TMC2: variants seen among roughly 807,000 people sequenced by gnomAD.
TMC2 encodes transmembrane channel-like protein 2.
In TMC2, 102 loss-of-function variants were observed where a neutral mutation model predicts 105.9. The ratio of observed to expected loss-of-function variants is 0.96; its 90% CI spans 0.82 to 1.14. The LOEUF (loss-of-function observed/expected upper bound fraction) is 1.14. Ranked by LOEUF, TMC2 falls within the 50% of genes most tolerant of loss-of-function variation. The pLI is 0.00. For missense variants in TMC2, 1,093 were observed against 1,134.3 expected (o/e 0.96, Z 0.52); for synonymous variants, 402 against 422.8 (o/e 0.95, Z 0.60).
intron 3 of TMC2, among the ~76,000 whole-genome samples, chr20:2,561,341 A>T (rs191522523): frequency 6.6e-6 from 1 of 152,312 alleles, no homozygotes; most frequent in African/African-American, 2.4e-5. Flanking sequence ...TATAAATACA[A>T]ATTAAATATA....
Position 2,592,301 on chromosome 20 carries a change from C to T in TMC2, c.835-9C>T. 2.5e-6 allele frequency: 4 copies of T among 1,594,780 alleles called. No individual in the cohort carries two copies. The highest frequency in any genetic ancestry group is 3.4e-6 in the Non-Finnish European group (4 of 1,162,806). ...CACTCATACTTGTGTCATTGTGTTTCTGCACAAGGTACTGATGGGCATGCC... is the reference window on the plus strand; with the variant it reads ...CACTCATACTTGTGTCATTGTGTTTTTGCACAAGGTACTGATGGGCATGCC... On this transcript the variant is annotated splice_polypyrimidine_tract_variant and intron_variant, in intron 7 of 19. Transcript: ENST00000358864. The surrounding 1 kb of genome is among the most constrained non-coding windows in gnomAD (Gnocchi z 4.9).
At position 2,592,384 on chromosome 20, in the gene TMC2, T is replaced by A. The variant is rs776523499; in HGVS notation, c.909T>A (p.Asp303Glu). The change falls in exon 8 of 20, where the codon GAT becomes GAA. Residue 303 changes from aspartate (D) to glutamate (E), a missense_variant. Asp to Glu is a conservative substitution (Grantham distance 45). Coordinates refer to ENST00000358864, the MANE Select transcript of TMC2 (RefSeq NM_080751.3). This position sits in a 1 kb window ranked among gnomAD's most constrained non-coding sequence, Gnocchi z 4.9. The part of the protein sequence containing the change: ...VPRAEEEKAM[D>E]FSVLWDFEGY... ...GGGCTGAGGAAGAAAAGGCCATGGA[T>A]TTTTCTGTCCTTTGGGATTTTGAGG... is the stretch of plus-strand genomic sequence containing the variant. 1 of 1,613,710 alleles carries A rather than the reference T, an allele frequency of 6.2e-7. No homozygotes were observed. Among genetic ancestry groups the A allele is most frequent in the East Asian group, 2.2e-5 (1 of 44,880 alleles).
chr20:2,606,632 G>T (rs1391021948), intron 11 of TMC2, among the ~76,000 whole-genome samples: 1 of 152,006 alleles, frequency 6.6e-6, no homozygotes, highest in South Asian at 2.1e-4. Context: ...TGAATTATAG[G>T]TTTTTTTAAT....
In TMC2 at chr20:2,551,713, C is replaced by T. The variant is rs59494303; in HGVS notation, c.83-6743C>T. On this transcript the variant is annotated intron_variant, in intron 2 of 19. Coordinates refer to ENST00000358864, the MANE Select transcript of TMC2 (RefSeq NM_080751.3). The stretch of plus-strand genomic sequence containing the variant: ...CTGTATCTAGATTTTTGGTTTTGGC[C>T]TATGGGTGCCCAGTTGTTCCAGCAC... 9.3e-3 allele frequency among the ~76,000 whole-genome samples: 1,413 copies of T among 152,080 alleles called. 24 individuals are homozygous for T. The highest frequency in any genetic ancestry group is 0.031 in the African/African-American group (1,292 of 41,500).
At chr20:2,626,351 T>C (rs1261228804) in intron 17 of TMC2, among the ~76,000 whole-genome samples, 1 of 152,222 alleles carries the variant, frequency 6.6e-6, no homozygotes, top group Non-Finnish European at 1.5e-5. Context: ...GTCACTCACA[T>C]GACTGGCCAG....
At chr20:2,572,067 C>A in intron 4 of TMC2, 112 bp from the exon 5 acceptor site, 2 of 785,934 alleles carry the variant, frequency 2.5e-6, no homozygotes, top group Non-Finnish European at 2.1e-6. Flanking sequence ...ATATTTTAAC[C>A]AGGGGTATAC....
At chr20:2,561,404 C>T (rs1242837536) in intron 3 of TMC2, among the ~76,000 whole-genome samples, 1 of 152,174 alleles carries the variant, frequency 6.6e-6, no homozygotes, top group African/African-American at 2.4e-5. Context: ...ACAAAATGAA[C>T]AGTGACCTTT....
chr20:2,631,705 GTT>G (rs56986596), intron 17 of TMC2, among the ~76,000 whole-genome samples: 1 of 145,478 alleles, frequency 6.9e-6, no homozygotes, highest in African/African-American at 2.5e-5. Flanking sequence ...GACTATGGCT[GTT>G]TTTTTTTTCA....
rs1555774377 is a variant in TMC2 at position 2,589,270 on chromosome 20, C to CTA, written c.835-3039_835-3038insAT. On this transcript the variant is annotated intron_variant, in intron 7 of 19. Coordinates refer to ENST00000358864, the MANE Select transcript of TMC2 (RefSeq NM_080751.3). Reference sequence around the variant, plus strand: ...TTTTCCAGATATCTTCCTATTTGCCCTGTGTGTGTGTGTGTGTGTGTGTGT... The same window carrying CTA: ...TTTTCCAGATATCTTCCTATTTGCCCTATGTGTGTGTGTGTGTGTGTGTGTGT... Among the ~76,000 whole-genome samples, 6 of 116,292 alleles carry CTA rather than the reference C, an allele frequency of 5.2e-5. 1 individual carries two copies. The highest frequency in any genetic ancestry group is 1.0e-4 in the Non-Finnish European group (6 of 59,408). 76.3% of individuals were successfully genotyped at this position (116,292 alleles called of 152,430 possible).
intron 2 of TMC2, among the ~76,000 whole-genome samples, chr20:2,552,425 G>GTCTTTGAGT (rs1240326635): frequency 1.3e-5 from 2 of 152,128 alleles, no homozygotes; most frequent in African/African-American, 4.8e-5. Context: ...ATTTATTTAA[G>GTCTTTGAGT]TCTTTGAGTT....
chr20:2,584,604 C>T (rs6106999), intron 7 of TMC2, among the ~76,000 whole-genome samples: 8,896 of 152,082 alleles, frequency 0.058, 852 homozygotes, highest in African/African-American at 0.2. Flanking sequence ...CATTTCAACT[C>T]ACATTTTAAA....
At chr20:2,560,812 G>T (rs1282362251) in intron 3 of TMC2, among the ~76,000 whole-genome samples, 3 of 148,406 alleles carry the variant, frequency 2.0e-5, no homozygotes, top group Non-Finnish European at 4.4e-5. Flanking sequence ...ACTCCAGCCT[G>T]GGCCACAGAG....
Position 2,558,552 on chromosome 20 carries a change from C to T in TMC2, c.179C>T (p.Ala60Val), listed in dbSNP as rs1340656187. 4 of 1,552,968 alleles carry T rather than the reference C, an allele frequency of 2.6e-6. No individual in the cohort carries two copies. The highest frequency in any genetic ancestry group is 1.4e-5 in the African/African-American group (1 of 73,252). ...RGAQRSQKER[A>V]GGSPSPGSPR... ...GCTCAGCGAAGCCAGAAGGAGCGCGCCGGGGGCAGCCCAAGCCCGGGGTCT... is the reference window on the plus strand; with the variant it reads ...GCTCAGCGAAGCCAGAAGGAGCGCGTCGGGGGCAGCCCAAGCCCGGGGTCT... Residue 60 changes from alanine to valine, a missense_variant, in exon 3 of 20, where the codon GCC (alanine) becomes GTC (valine). Coordinates refer to ENST00000358864, the MANE Select transcript of TMC2 (RefSeq NM_080751.3). This position sits in a 1 kb window ranked among gnomAD's most constrained non-coding sequence, Gnocchi z 4.6.
chr20:2,611,488 C>A (rs930034663), intron 12 of TMC2, among the ~76,000 whole-genome samples: 2 of 152,206 alleles, frequency 1.3e-5, no homozygotes, highest in Admixed American at 6.5e-5. Flanking sequence ...TCTCTCTCCA[C>A]CCCTCTCCTC....
intron 7 of TMC2, among the ~76,000 whole-genome samples, chr20:2,589,273 TGTGTGTGTGTG>T (rs1568515683): frequency 1.6e-5 from 2 of 125,002 alleles, no homozygotes; most frequent in African/African-American, 6.2e-5. Flanking sequence ...ATTTGCCCTG[TGTGTGTGTGTG>T]TGTGTGTGTG....
intron 17 of TMC2, among the ~76,000 whole-genome samples, chr20:2,633,392 T>C (rs576387598): frequency 1.3e-5 from 2 of 152,334 alleles, no homozygotes; most frequent in African/African-American, 4.8e-5. Flanking sequence ...TTCCCAGGAA[T>C]ATTTCAAAGT....
intron 17 of TMC2, among the ~76,000 whole-genome samples, chr20:2,630,801 T>C (rs2086597547): frequency 6.6e-6 from 1 of 152,218 alleles, no homozygotes; most frequent in Admixed American, 6.5e-5. Flanking sequence ...CCACCCTGGG[T>C]GACAGACTGA....
intron 4 of TMC2, among the ~76,000 whole-genome samples, chr20:2,571,397 A>G (rs1432573680): frequency 6.6e-6 from 1 of 152,228 alleles, no homozygotes; most frequent in Non-Finnish European, 1.5e-5. Flanking sequence ...ACATATGAGA[A>G]AATTCTCATC....
intron 2 of TMC2, among the ~76,000 whole-genome samples, chr20:2,556,605 TA>T (rs200503049): frequency 9.2e-5 from 14 of 151,490 alleles, no homozygotes; most frequent in Middle Eastern, 3.4e-3. Context: ...ACTCCATCTT[TA>T]AAAAAAAATT....
Sources: allele counts gnomAD v4.1 joint callset (sites outside exome capture counted in the v4.1 genomes callset), GRCh38; gene constraint gnomAD v4.1.1; non-coding constraint Gnocchi (gnomAD v3.1); transcripts MANE v1.5; gene names NCBI Gene and HGNC (gene_info 2026-07-23, HGNC 2026-07-21).